Variants in EGFR observed in about 807,000 individuals in gnomAD.
EGFR encodes epidermal growth factor receptor.
EGFR carries 58 observed loss-of-function variants against 143.0 expected under a neutral mutation model. The ratio of observed to expected loss-of-function variants is 0.41; its 90% CI spans 0.33 to 0.50. EGFR has a LOEUF of 0.50. EGFR is among the 20% of genes least tolerant of loss of function. The pLI, the probability that EGFR is intolerant of heterozygous loss-of-function variation, is 0.39. For synonymous variants in EGFR, 613 were observed against 594.4 expected (o/e 1.03, Z -0.45); for missense variants, 1,307 against 1,579.0 (o/e 0.83, Z 2.92).
At chr7:55,105,097 G>T (rs887653592) in intron 1 of EGFR, among the ~76,000 whole-genome samples, 1 of 152,210 alleles carries the variant, frequency 6.6e-6, no homozygotes, top group Non-Finnish European at 1.5e-5. Context: ...TTTGGATTTG[G>T]AGTCTAATGA....
In EGFR at chr7:55,105,680, A is replaced by G. The variant is rs542365718; in HGVS notation, c.89-36606A>G. 1.2e-3 allele frequency among the ~76,000 whole-genome samples: 181 copies of G among 152,332 alleles called. 1 individual carries two copies. Among genetic ancestry groups the G allele is most frequent in the Non-Finnish European group, 1.7e-3 (114 of 68,036 alleles). On this transcript the variant is annotated intron_variant, in intron 1 of 27. Coordinates refer to ENST00000275493, the MANE Select transcript of EGFR (RefSeq NM_005228.5). ...TACACATCTGACTCTACAGGGTTTGACAACATCCAGGGTGAATCACAAAAC... is the reference window on the plus strand; with the variant it reads ...TACACATCTGACTCTACAGGGTTTGGCAACATCCAGGGTGAATCACAAAAC...
At chr7:55,102,794 G>A (rs1389516201) in intron 1 of EGFR, among the ~76,000 whole-genome samples, 2 of 152,024 alleles carry the variant, frequency 1.3e-5, no homozygotes, top group African/African-American at 4.8e-5. Context: ...TAAAACTCCT[G>A]ATAAACATTC....
rs182002674 is a variant in EGFR, at chr7:55,155,852, C to T, written c.912C>T (p.His304=). 173 of 1,613,818 alleles carry T rather than the reference C, an allele frequency of 1.1e-4. 2 individuals carry two copies. Among genetic ancestry groups the T allele is most frequent in the South Asian group, 1.1e-3 (96 of 91,072 alleles). ...CAGGTAATTATGTGGTGACAGATCA[C>T]GGCTCGTGCGTCCGAGCCTGTGGGG... ...KCPRNYVVTD[H]GSCVRACGAD... Residue 304 remains histidine (H), a synonymous_variant, in exon 8 of 28, where the codon CAC becomes CAT. Coordinates refer to ENST00000275493, the MANE Select transcript of EGFR (RefSeq NM_005228.5).
intron 1 of EGFR, among the ~76,000 whole-genome samples, chr7:55,095,721 GACAC>G (rs35578833): frequency 0.17 from 25,625 of 148,392 alleles, 2,330 homozygotes; most frequent in Middle Eastern, 0.25. Flanking sequence ...GATACACACA[GACAC>G]ACACACACAC....
At position 55,206,667 on chromosome 7, in the gene EGFR, A is replaced by G. The variant is rs1048455572; in HGVS notation, c.*1050A>G. On this transcript the variant is annotated 3_prime_UTR_variant, in exon 28 of 28. Transcript: ENST00000275493. Reference sequence around the variant, plus strand: ...CTTTAGCCATCACCCCAACCCCCCAAAATTAGTTTGTGTTACTTATGGAAG... The same window carrying G: ...CTTTAGCCATCACCCCAACCCCCCAGAATTAGTTTGTGTTACTTATGGAAG... 2 of 233,042 alleles carry G rather than the reference A, an allele frequency of 8.6e-6. No individual in the cohort carries two copies. Among genetic ancestry groups the G allele is most frequent in the Non-Finnish European group, 1.7e-5 (2 of 118,068 alleles). 14.4% of individuals were successfully genotyped at this position (233,042 alleles called of 1,614,324 possible).
chr7:55,089,972 T>G (rs1162512313), intron 1 of EGFR, among the ~76,000 whole-genome samples: 1 of 151,144 alleles, frequency 6.6e-6, no homozygotes, highest in Non-Finnish European at 1.5e-5. Context: ...ATTTATTTAT[T>G]TATTTATTTA....
chr7:55,196,962 T>G (rs1787646303), intron 22 of EGFR, among the ~76,000 whole-genome samples: 1 of 152,226 alleles, frequency 6.6e-6, no homozygotes, highest in South Asian at 2.1e-4. Flanking sequence ...AGCTTTGTTC[T>G]TTTTGCTTAG....
chr7:55,023,650 C>CA (rs11372886), intron 1 of EGFR, among the ~76,000 whole-genome samples: 40,313 of 93,746 alleles, frequency 0.43, 8,594 homozygotes, highest in East Asian at 0.67. Flanking sequence ...GACTCCATCT[C>CA]AAAAAAAAAA....
chr7:55,146,530 C>T lies in EGFR; in HGVS notation c.425-76C>T, dbSNP rs376329436. On this transcript the variant is annotated intron_variant, in intron 3 of 27. Transcript: ENST00000275493. ...GCATCTCTTTAGCAGAACATAAATG[C>T]GAAGAGCACATGCATCCTTCATGGG... The T allele has an allele frequency of 2.2e-5, 35 of 1,601,584 alleles. 1 individual carries two copies. In the South Asian group the frequency reaches 2.9e-4, roughly 13 times the overall value.
chr7:55,149,244 C>T (rs933825391), intron 4 of EGFR, among the ~76,000 whole-genome samples: 2 of 151,948 alleles, frequency 1.3e-5, no homozygotes, highest in Non-Finnish European at 2.9e-5. Context: ...GGTTAATATC[C>T]TTGCTATATC....
rs751123667 is a variant in EGFR at position 55,164,244 on chromosome 7, A to G, written c.1722+421A>G. Among the ~76,000 whole-genome samples, 60 of 152,198 alleles carry G rather than the reference A, an allele frequency of 3.9e-4. 1 individual carries two copies. The highest frequency in any genetic ancestry group is 9.8e-4 in the Admixed American group (15 of 15,274). ...TTTTAAACTGCACAACTTTGTATCT[A>G]TATGTTCAATAACATATAGATACAA... On this transcript the variant is annotated intron_variant, in intron 14 of 27. Coordinates refer to ENST00000275493, the MANE Select transcript of EGFR (RefSeq NM_005228.5).
intron 26 of EGFR, 81 bp downstream of exon 26, chr7:55,201,863 A>G: frequency 6.6e-7 from 1 of 1,517,358 alleles, no homozygotes; most frequent in East Asian, 2.3e-5. Flanking sequence ...CTTAACCTAA[A>G]TAATTTTAAC....
chr7:55,184,128 A>G (rs904259508), intron 20 of EGFR, among the ~76,000 whole-genome samples: 4 of 152,160 alleles, frequency 2.6e-5, no homozygotes, highest in Non-Finnish European at 2.9e-5. Context: ...TCGTCTCCCG[A>G]CTGTGGAGTG....
At chr7:55,181,813 TC>T (rs756064807) in intron 20 of EGFR, 2 of 378,644 alleles carry the variant, frequency 5.3e-6, no homozygotes, top group Non-Finnish European at 1.0e-5. Context: ...GAATATTGCT[TC>T]CCCCATTCAG....
chr7:55,045,319 T>C (rs7785163), intron 1 of EGFR, among the ~76,000 whole-genome samples: 7,386 of 152,310 alleles, frequency 0.048, 305 homozygotes, highest in South Asian at 0.16. Context: ...GTTTTAGAGA[T>C]CCAAAATGAG....
chr7:55,203,466 C>T (rs981881301), intron 27 of EGFR, among the ~76,000 whole-genome samples: 4 of 73,210 alleles, frequency 5.5e-5, no homozygotes, highest in Admixed American at 1.7e-4. Flanking sequence ...TGCACACATA[C>T]ACACACACCA....
At chr7:55,119,266 A>G (rs1292865655) in intron 1 of EGFR, 2 of 152,188 alleles carry the variant, frequency 1.3e-5, no homozygotes, top group South Asian at 2.1e-4. Context: ...CCCTTTTCCC[A>G]TGAGGTGTAA....
At chr7:55,125,118 C>T (rs1448295307) in intron 1 of EGFR, among the ~76,000 whole-genome samples, 4 of 152,204 alleles carry the variant, frequency 2.6e-5, no homozygotes, top group Admixed American at 2.6e-4. Flanking sequence ...GCAGATGACA[C>T]TCTCAGTGGT....
intron 1 of EGFR, among the ~76,000 whole-genome samples, chr7:55,102,284 A>T (rs1186132817): frequency 6.6e-6 from 1 of 151,736 alleles, no homozygotes; most frequent in African/African-American, 2.4e-5. Flanking sequence ...TCCTCTCCCC[A>T]TCTCTCAGCC....
Sources: allele counts gnomAD v4.1 joint callset (sites outside exome capture counted in the v4.1 genomes callset), GRCh38; gene constraint gnomAD v4.1.1; transcripts MANE v1.5; gene names NCBI Gene and HGNC (gene_info 2026-07-23, HGNC 2026-07-21).